Variants in AGFG1 observed in about 807,000 individuals in gnomAD.
AGFG1 encodes the protein ArfGAP with FG repeats 1.
In AGFG1, 10 loss-of-function variants were observed where a neutral mutation model predicts 60.6. The observed-to-expected ratio is 0.16, with a 90% CI of 0.10 to 0.28. The LOEUF is 0.28. AGFG1 is among the 10% of genes least tolerant of loss of function. The pLI, the probability that AGFG1 is intolerant of heterozygous loss-of-function variation, is 1.00. For synonymous variants in AGFG1, 247 were observed against 242.9 expected (o/e 1.02, Z -0.16); for missense variants, 537 against 676.5 (o/e 0.79, Z 2.29).
intron 10 of AGFG1, among the ~76,000 whole-genome samples, chr2:227,537,346 G>A (rs1239670605): frequency 6.6e-6 from 1 of 152,120 alleles, no homozygotes; most frequent in African/African-American, 2.4e-5. Flanking sequence ...CAGAATTACT[G>A]GTTGTCACTC....
At chr2:227,490,239 A>G (rs1473162643) in intron 1 of AGFG1, among the ~76,000 whole-genome samples, 1 of 152,200 alleles carries the variant, frequency 6.6e-6, no homozygotes, top group Admixed American at 6.5e-5. Context: ...TATCCTATTT[A>G]ATTAGTGTGA....
intron 10 of AGFG1, among the ~76,000 whole-genome samples, chr2:227,546,431 TG>T (rs748148744): frequency 8.5e-5 from 13 of 152,214 alleles, no homozygotes; most frequent in Non-Finnish European, 1.6e-4. Flanking sequence ...CCTGACCCCT[TG>T]CACTTCCCGG....
chr2:227,512,188 G>A (rs1176301496), intron 2 of AGFG1, among the ~76,000 whole-genome samples: 3 of 152,158 alleles, frequency 2.0e-5, no homozygotes, highest in Non-Finnish European at 4.4e-5. Flanking sequence ...TACAGCTTGT[G>A]TGTGCCTATT....
chr2:227,521,330 G>C (rs1434354430), intron 3 of AGFG1, among the ~76,000 whole-genome samples: 1 of 152,154 alleles, frequency 6.6e-6, no homozygotes. Context: ...GCCTCCCAAA[G>C]TGCTGGGATT....
rs148293819 is a variant in AGFG1, at chr2:227,500,025, TTGTC to T, written c.261+8390_261+8393del. Among the ~76,000 whole-genome samples the T allele has an allele frequency of 2.7e-3, 413 of 152,370 alleles. 1 individual carries two copies. The highest frequency in any genetic ancestry group is 9.2e-3 in the African/African-American group (383 of 41,586). On this transcript the variant is annotated intron_variant, in intron 2 of 12. Coordinates refer to ENST00000310078, the MANE Select transcript of AGFG1 (RefSeq NM_004504.5). Reference sequence around the variant, plus strand: ...TCTTACTGCAGGACAAGAAGCCTGTTTGTCTGTCAGGACGGCAGCTGACATTCAT... The same window carrying T: ...TCTTACTGCAGGACAAGAAGCCTGTTTGTCAGGACGGCAGCTGACATTCAT...
At chr2:227,511,361 CAGAT>C (rs1344393254) in intron 2 of AGFG1, among the ~76,000 whole-genome samples, 2 of 152,132 alleles carry the variant, frequency 1.3e-5, no homozygotes, top group African/African-American at 4.8e-5. Context: ...CTGTGAGAGT[CAGAT>C]AGTAAATATT....
intron 1 of AGFG1, among the ~76,000 whole-genome samples, chr2:227,478,235 T>C: frequency 1.2e-5 from 1 of 81,204 alleles, no homozygotes; most frequent in Non-Finnish European, 2.6e-5. Context: ...AAGCAAGCAA[T>C]CAGTAAAAAA....
intron 10 of AGFG1, among the ~76,000 whole-genome samples, chr2:227,546,792 A>C (rs1366395499): frequency 6.6e-6 from 1 of 152,170 alleles, no homozygotes; most frequent in Non-Finnish European, 1.5e-5. Flanking sequence ...AATAGTAGGA[A>C]ATTTTTATAA....
chr2:227,557,924 G>A lies in AGFG1; in HGVS notation c.*3429G>A, dbSNP rs967876201. The A allele has an allele frequency of 6.6e-6, 1 of 152,100 alleles. No homozygotes were observed. Among genetic ancestry groups the A allele is most frequent in the Non-Finnish European group, 1.5e-5 (1 of 68,008 alleles). 9.4% of individuals were successfully genotyped at this position (152,100 alleles called of 1,614,324 possible). On this transcript the variant is annotated 3_prime_UTR_variant, in exon 13 of 13. Transcript: ENST00000310078. ...AGAAAGGGTTGTAGGGACCATTAAG[G>A]GTCTCCAGACTCTTTGAGAACCACT...
intron 5 of AGFG1, among the ~76,000 whole-genome samples, chr2:227,526,539 CTTT>C (rs777649930): frequency 5.4e-5 from 5 of 92,478 alleles, no homozygotes; most frequent in African/African-American, 4.4e-5. Context: ...TGCCCAGCCT[CTTT>C]TTTTTTTTTT....
chr2:227,532,860 T>C (rs560898112), intron 6 of AGFG1, among the ~76,000 whole-genome samples: 1 of 152,268 alleles, frequency 6.6e-6, no homozygotes, highest in East Asian at 1.9e-4. Flanking sequence ...TAACAGGATA[T>C]ATATAATAGT....
intron 8 of AGFG1, among the ~76,000 whole-genome samples, chr2:227,535,625 T>G (rs906850664): frequency 6.6e-6 from 1 of 152,210 alleles, no homozygotes; most frequent in Non-Finnish European, 1.5e-5. Context: ...GGAAATAGTC[T>G]CAGAAATACA....
chr2:227,532,191 C>A lies in AGFG1; in HGVS notation c.814+981C>A, dbSNP rs1575103488. 6 of 1,548,146 alleles carry A rather than the reference C, an allele frequency of 3.9e-6. No homozygotes were observed. In the East Asian group the frequency reaches 1.5e-4, roughly 38 times the overall value. On this transcript the variant is annotated intron_variant, in intron 6 of 12. Coordinates refer to ENST00000310078, the MANE Select transcript of AGFG1 (RefSeq NM_004504.5). ...TTTTGGTGAATTTACTTCAGCTTTT[C>A]CTCTTCAGGCTACCCACAGTAAGTT...
At chr2:227,553,341 C>T (rs1409344830) in intron 11 of AGFG1, among the ~76,000 whole-genome samples, 1 of 151,678 alleles carries the variant, frequency 6.6e-6, no homozygotes, top group South Asian at 2.1e-4. Context: ...ACAAAAAATA[C>T]AAAAATTAGC....
At chr2:227,482,735 T>C (rs1344925868) in intron 1 of AGFG1, among the ~76,000 whole-genome samples, 1 of 152,230 alleles carries the variant, frequency 6.6e-6, no homozygotes, top group Admixed American at 6.5e-5. Flanking sequence ...CAAATGGTTA[T>C]TTGCAAGATT....
intron 1 of AGFG1, among the ~76,000 whole-genome samples, chr2:227,475,969 A>G (rs1690270096): frequency 6.6e-6 from 1 of 152,240 alleles, no homozygotes; most frequent in Admixed American, 6.5e-5. Context: ...GGATAGTGAC[A>G]TACCTTCTAT....
chr2:227,509,159 C>A (rs531222932), intron 2 of AGFG1, among the ~76,000 whole-genome samples: 33 of 152,256 alleles, frequency 2.2e-4, no homozygotes, highest in African/African-American at 7.7e-4. Context: ...TCCAAGTATA[C>A]ACCAGTACTG....
At chr2:227,474,123 A>G (rs1231596279) in intron 1 of AGFG1, among the ~76,000 whole-genome samples, 1 of 152,356 alleles carries the variant, frequency 6.6e-6, no homozygotes, top group East Asian at 1.9e-4. Context: ...GAGCTAGGTG[A>G]TATCAAGGAG....
intron 3 of AGFG1, among the ~76,000 whole-genome samples, chr2:227,523,406 A>G (rs1460869203): frequency 6.6e-6 from 1 of 152,176 alleles, no homozygotes; most frequent in Non-Finnish European, 1.5e-5. Context: ...TCTTAAGATA[A>G]TTTTAAAAAT....
Sources: allele counts gnomAD v4.1 joint callset (sites outside exome capture counted in the v4.1 genomes callset), GRCh38; gene constraint gnomAD v4.1.1; transcripts MANE v1.5; gene names NCBI Gene and HGNC (gene_info 2026-07-23, HGNC 2026-07-21).